ARL8B: variants seen among roughly 807,000 people sequenced by gnomAD.
ARL8B encodes ARF like GTPase 8B.
A neutral mutation model predicts 30.6 loss-of-function variants in ARL8B; 9 were observed. The ratio of observed to expected loss-of-function variants is 0.29; its 90% CI spans 0.18 to 0.51. ARL8B has a LOEUF of 0.51. Ranked by LOEUF, ARL8B falls within the 20% of genes least tolerant of loss-of-function variation. The pLI is 0.97. For missense variants in ARL8B, 130 were observed against 227.2 expected, an observed-to-expected ratio of 0.57 and a Z score of 2.75; for synonymous variants, 74 against 76.0, an observed-to-expected ratio of 0.97 and a Z score of 0.14.
At chr3:5,137,838 T>C (rs1276669621) in intron 1 of ARL8B, among the ~76,000 whole-genome samples, 1 of 152,184 alleles carries the variant, frequency 6.6e-6, no homozygotes, top group African/African-American at 2.4e-5. Context: ...ATCTCCCACC[T>C]CAGCCTCCCA....
At chr3:5,166,197 C>T (rs11923215) in intron 1 of ARL8B, among the ~76,000 whole-genome samples, 1 of 151,566 alleles carries the variant, frequency 6.6e-6, no homozygotes, top group African/African-American at 2.4e-5. Context: ...GCGCCACCAC[C>T]CCCAGCTAAT....
intron 1 of ARL8B, among the ~76,000 whole-genome samples, chr3:5,143,700 A>G (rs905288049): frequency 6.6e-6 from 1 of 152,246 alleles, no homozygotes. Flanking sequence ...AGTCTTAATC[A>G]GCACCAAGTC....
intron 1 of ARL8B, among the ~76,000 whole-genome samples, chr3:5,147,549 A>G (rs11710312): frequency 0.39 from 58,922 of 151,790 alleles, 12,984 homozygotes; most frequent in African/African-American, 0.62. Context: ...TTCTTTCTCT[A>G]TGTCAGAATC....
chr3:5,132,215 T>C (rs1230356923), intron 1 of ARL8B, among the ~76,000 whole-genome samples: 2 of 152,052 alleles, frequency 1.3e-5, no homozygotes, highest in Admixed American at 6.5e-5. Flanking sequence ...GTAGTAGGTA[T>C]TGCCCTAAGT....
At chr3:5,166,038 A>T (rs1361891425) in intron 1 of ARL8B, among the ~76,000 whole-genome samples, 1 of 150,680 alleles carries the variant, frequency 6.6e-6, no homozygotes, top group East Asian at 2.0e-4. Flanking sequence ...TTGTCTTAAG[A>T]TATCTTTTTT....
intron 2 of ARL8B, chr3:5,170,822 C>A (rs903566827): frequency 1.5e-5 from 5 of 326,084 alleles, no homozygotes; most frequent in Middle Eastern, 1.9e-3. Flanking sequence ...ACCTCTACCT[C>A]CCGGTTCAAG....
intron 1 of ARL8B, among the ~76,000 whole-genome samples, chr3:5,130,586 G>GGCAGTGGCATGATCTC (rs2054274143): frequency 1.3e-5 from 2 of 151,168 alleles, no homozygotes; most frequent in African/African-American, 4.9e-5. Flanking sequence ...CAGGCTGAAG[G>GGCAGTGGCATGATCTC]GCAGTGGCAT....
At chr3:5,148,009 G>A (rs918755535) in intron 1 of ARL8B, among the ~76,000 whole-genome samples, 13 of 151,474 alleles carry the variant, frequency 8.6e-5, no homozygotes, top group Admixed American at 4.0e-4. Context: ...TCCCATTTGG[G>A]GTCAACGTTT....
In ARL8B at chr3:5,122,370, G is replaced by A; in HGVS notation, c.-96G>A. On this transcript the variant is annotated 5_prime_UTR_variant, in exon 1 of 7. Transcript: ENST00000256496. ...CCGTGTCGCGCCGGGGCACCAAGGA[G>A]CCGTTGGAGGGTCCGGGCGGAGGCC... The A allele has an allele frequency of 2.5e-6, 4 of 1,578,018 alleles. No homozygotes were observed. Among genetic ancestry groups the A allele is most frequent in the East Asian group, 2.3e-5 (1 of 42,636 alleles).
At chr3:5,172,025 G>C in intron 2 of ARL8B, 125 bp from the exon 3 acceptor site, 1 of 825,076 alleles carries the variant, frequency 1.2e-6, no homozygotes, top group East Asian at 2.6e-5. Context: ...TCTTTCAGGA[G>C]CACTTTGCCT....
chr3:5,175,500 A>T (rs768305012), intron 6 of ARL8B, among the ~76,000 whole-genome samples: 20 of 152,232 alleles, frequency 1.3e-4, no homozygotes, highest in Non-Finnish European at 2.5e-4. Flanking sequence ...TTGAACCAGT[A>T]TATTACTGCA....
At chr3:5,145,333 A>G (rs2054409714) in intron 1 of ARL8B, among the ~76,000 whole-genome samples, 2 of 152,172 alleles carry the variant, frequency 1.3e-5, no homozygotes, top group Non-Finnish European at 1.5e-5. Context: ...CTGAGAATCC[A>G]GTAACCATCT....
At chr3:5,147,448 C>T (rs950273287) in intron 1 of ARL8B, among the ~76,000 whole-genome samples, 1 of 152,084 alleles carries the variant, frequency 6.6e-6, no homozygotes, top group Admixed American at 6.6e-5. Context: ...CTATTGGGGT[C>T]TTCTTTTTTC....
At chr3:5,165,561 C>T (rs2054616426) in intron 1 of ARL8B, among the ~76,000 whole-genome samples, 1 of 151,916 alleles carries the variant, frequency 6.6e-6, no homozygotes, top group Non-Finnish European at 1.5e-5. Flanking sequence ...TTCTTCTGTA[C>T]TGTACCAAAG....
chr3:5,133,953 ACC>A (rs2054304735), intron 1 of ARL8B, among the ~76,000 whole-genome samples: 2 of 151,936 alleles, frequency 1.3e-5, no homozygotes, highest in Non-Finnish European at 2.9e-5. Context: ...TGCACAGCAC[ACC>A]CCACACCCCT....
chr3:5,166,189 G>T (rs974404987), intron 1 of ARL8B, among the ~76,000 whole-genome samples: 2 of 151,338 alleles, frequency 1.3e-5, no homozygotes, highest in Non-Finnish European at 2.9e-5. Context: ...ACAGGCACGC[G>T]CCACCACCCC....
intron 6 of ARL8B, among the ~76,000 whole-genome samples, chr3:5,178,001 C>T (rs373508302): frequency 1.3e-5 from 2 of 152,174 alleles, no homozygotes; most frequent in African/African-American, 4.8e-5. Flanking sequence ...TGAATTTACC[C>T]TCATCTTTCA....
intron 6 of ARL8B, among the ~76,000 whole-genome samples, chr3:5,177,838 C>T (rs1026548167): frequency 1.3e-5 from 2 of 152,146 alleles, no homozygotes; most frequent in South Asian, 4.1e-4. Flanking sequence ...TGGCTTTGCT[C>T]GTATTGTGCA....
chr3:5,134,936 C>G (rs138330382), intron 1 of ARL8B, among the ~76,000 whole-genome samples: 56 of 152,308 alleles, frequency 3.7e-4, no homozygotes, highest in African/African-American at 1.2e-3. Flanking sequence ...CAACCTCCGC[C>G]TCCCAGGTTC....
Sources: gnomAD v4.1 joint callset for allele counts (sites outside exome capture counted in the v4.1 genomes callset) on GRCh38, gnomAD v4.1.1 for gene constraint, MANE v1.5 for transcripts, NCBI Gene and HGNC (gene_info 2026-07-23, HGNC 2026-07-21) for gene names.